The following CD86 variants were observed in gnomAD, a reference collection of about 807,000 sequenced individuals.
The protein encoded by CD86 is T-lymphocyte activation antigen CD86.
CD86 carries 11 observed loss-of-function variants against 32.1 expected under a neutral mutation model. The ratio of observed to expected loss-of-function variants is 0.34; its 90% CI spans 0.22 to 0.57. CD86 has a LOEUF of 0.57. CD86 is among the 20% of genes least tolerant of loss of function. The pLI is 0.86. For missense variants in CD86, 359 were observed against 398.4 expected (o/e 0.90, Z 0.84); for synonymous variants, 137 against 135.3 (o/e 1.01, Z -0.09).
intron 1 of CD86, among the ~76,000 whole-genome samples, chr3:122,070,101 T>C (rs2072468596): frequency 6.6e-6 from 1 of 152,168 alleles, no homozygotes; most frequent in Admixed American, 6.5e-5. Flanking sequence ...CCATGTGATT[T>C]TGAGAGATAG....
In CD86 at chr3:122,121,002, C is replaced by A. The variant is rs2073336682; in HGVS notation, c.*1468C>A. On this transcript the variant is annotated 3_prime_UTR_variant, in exon 7 of 7. Transcript: ENST00000330540. ...GTAAACCCTCAAGGGTTATAGACTG[C>A]CATGCTAGACAAGCTTGTCCATGTA... The A allele has an allele frequency of 6.6e-6, 1 of 152,202 alleles. No individual in the cohort carries two copies. The highest frequency in any genetic ancestry group is 1.5e-5 in the Non-Finnish European group (1 of 68,028). 9.4% of individuals were successfully genotyped at this position (152,202 alleles called of 1,614,324 possible).
At chr3:122,065,342 A>G (rs939434136) in intron 1 of CD86, among the ~76,000 whole-genome samples, 7 of 152,230 alleles carry the variant, frequency 4.6e-5, no homozygotes, top group Non-Finnish European at 1.5e-5. Flanking sequence ...GAGATTGAAA[A>G]GTAAAAGCTG....
intron 1 of CD86, among the ~76,000 whole-genome samples, chr3:122,080,539 C>T (rs2072618949): frequency 1.3e-5 from 2 of 152,078 alleles, no homozygotes; most frequent in Admixed American, 1.3e-4. Flanking sequence ...ATAAAAGCAC[C>T]CTCTGCTCCT....
chr3:122,084,184 C>T (rs916331458), intron 1 of CD86, among the ~76,000 whole-genome samples: 1 of 152,072 alleles, frequency 6.6e-6, no homozygotes, highest in Non-Finnish European at 1.5e-5. Flanking sequence ...ACGGGGTTTC[C>T]CCATAATGGC....
chr3:122,063,591 G>GA (rs553727784), intron 1 of CD86, among the ~76,000 whole-genome samples: 2,093 of 128,150 alleles, frequency 0.016, 45 homozygotes, highest in African/African-American at 0.052. Flanking sequence ...TACATAGAAA[G>GA]ATTTTTTTTT....
chr3:122,093,717 C>G lies in CD86; in HGVS notation c.64+2067C>G, dbSNP rs997798324. On this transcript the variant is annotated intron_variant, in intron 2 of 6. Transcript: ENST00000330540. Reference sequence around the variant, plus strand: ...TATGCATATATATATATATCCCTTACTTTGTGCCTGGTACTGTTCTAAGTA... The same window carrying G: ...TATGCATATATATATATATCCCTTAGTTTGTGCCTGGTACTGTTCTAAGTA... Among the ~76,000 whole-genome samples the G allele has an allele frequency of 3.3e-5, 5 of 152,274 alleles. No homozygotes were observed. In the South Asian group the frequency reaches 6.2e-4, roughly 19 times the overall value.
At chr3:122,062,094 A>T (rs565118015) in intron 1 of CD86, among the ~76,000 whole-genome samples, 1 of 152,156 alleles carries the variant, frequency 6.6e-6, no homozygotes, top group African/African-American at 2.4e-5. Context: ...AAAGTAAAAA[A>T]AAAAAACAAA....
chr3:122,086,261 A>T (rs1270350498), intron 1 of CD86, among the ~76,000 whole-genome samples: 2 of 152,140 alleles, frequency 1.3e-5, no homozygotes, highest in African/African-American at 4.8e-5. Flanking sequence ...ATTTTTCCTG[A>T]TACTCCGGTT....
At chr3:122,065,226 T>C (rs9860244) in intron 1 of CD86, among the ~76,000 whole-genome samples, 1,905 of 152,236 alleles carry the variant, frequency 0.013, 42 homozygotes, top group African/African-American at 0.042. Context: ...ACATTACTTC[T>C]AGCAGCAAGA....
chr3:122,075,075 T>C (rs2072537749), intron 1 of CD86, among the ~76,000 whole-genome samples: 1 of 151,268 alleles, frequency 6.6e-6, no homozygotes, highest in Non-Finnish European at 1.5e-5. Flanking sequence ...GGCAAGGGGG[T>C]TGCGATATGA....
At chr3:122,090,791 T>C (rs941404752) in intron 1 of CD86, among the ~76,000 whole-genome samples, 4 of 152,186 alleles carry the variant, frequency 2.6e-5, no homozygotes, top group Non-Finnish European at 5.9e-5. Context: ...ATAGAGGTTA[T>C]AAAGCAAAGC....
chr3:122,076,743 A>G (rs1283894375), intron 1 of CD86, among the ~76,000 whole-genome samples: 1 of 152,264 alleles, frequency 6.6e-6, no homozygotes, highest in African/African-American at 2.4e-5. Context: ...GTAATAATGA[A>G]GATGAAATAA....
At chr3:122,112,217 G>A (rs915422601) in intron 5 of CD86, among the ~76,000 whole-genome samples, 1 of 152,128 alleles carries the variant, frequency 6.6e-6, no homozygotes, top group East Asian at 1.9e-4. Context: ...TTTACAGCTT[G>A]CCTCCCTAGA....
At chr3:122,058,206 A>G (rs1462314130) in intron 1 of CD86, among the ~76,000 whole-genome samples, 1 of 152,176 alleles carries the variant, frequency 6.6e-6, no homozygotes, top group Admixed American at 6.5e-5. Flanking sequence ...CATTACTAAG[A>G]ACAGAATGGA....
At chr3:122,088,643 G>C (rs1244059556) in intron 1 of CD86, among the ~76,000 whole-genome samples, 2 of 152,164 alleles carry the variant, frequency 1.3e-5, no homozygotes, top group East Asian at 3.9e-4. Flanking sequence ...ATCACCAACA[G>C]CAACCTACTT....
intron 1 of CD86, among the ~76,000 whole-genome samples, chr3:122,056,033 A>G (rs909352430): frequency 3.9e-5 from 6 of 152,206 alleles, no homozygotes; most frequent in East Asian, 1.9e-4. Context: ...TGATTAAATT[A>G]GTTACCATGT....
intron 1 of CD86, among the ~76,000 whole-genome samples, chr3:122,086,166 T>C (rs2072715200): frequency 6.6e-6 from 1 of 152,150 alleles, no homozygotes. Flanking sequence ...CTAGAACAAG[T>C]CTGACACTGA....
At position 122,055,389 on chromosome 3, in the gene CD86, G is replaced by C. The variant is rs1320085012; in HGVS notation, c.-101G>C. Reference sequence around the variant, plus strand: ...TCATTGCCGAGGAAGGCTTGCACAGGGTGAAAGCTTTGCTTCTCTGCTGCT... The same window carrying C: ...TCATTGCCGAGGAAGGCTTGCACAGCGTGAAAGCTTTGCTTCTCTGCTGCT... On this transcript the variant is annotated 5_prime_UTR_variant, in exon 1 of 7. Coordinates refer to ENST00000330540, the MANE Select transcript of CD86 (RefSeq NM_175862.5). 1.7e-6 allele frequency: 2 copies of C among 1,163,758 alleles called. No homozygotes were observed. The highest frequency in any genetic ancestry group is 2.6e-6 in the Non-Finnish European group (2 of 771,430). The allele number at this position is 1,163,758 out of a possible 1,614,324, so 72.1% of individuals were successfully genotyped here. A position where few individuals can be genotyped will look rare whatever the true frequency, so the allele number is the denominator to read the frequency against.
chr3:122,057,060 A>G (rs535479831), intron 1 of CD86, among the ~76,000 whole-genome samples: 30 of 152,346 alleles, frequency 2.0e-4, no homozygotes, highest in South Asian at 8.3e-4. Context: ...TTTTTTCTCT[A>G]TCAAAGAGAT....
Sources: allele counts gnomAD v4.1 joint callset (sites outside exome capture counted in the v4.1 genomes callset), GRCh38; gene constraint gnomAD v4.1.1; transcripts MANE v1.5; gene names NCBI Gene and HGNC (gene_info 2026-07-23, HGNC 2026-07-21).